Variants in FMNL3 observed in about 807,000 individuals in gnomAD.
FMNL3 encodes formin like 3.
FMNL3 carries 57 observed loss-of-function variants against 119.6 expected under a neutral mutation model. The observed-to-expected ratio is 0.48, with a 90% CI of 0.39 to 0.59. The LOEUF is 0.59. FMNL3 is among the 20% of genes least tolerant of loss of function. The pLI is 0.00. For synonymous variants in FMNL3, 491 were observed against 507.3 expected, an observed-to-expected ratio of 0.97 and a Z score of 0.43; for missense variants, 1,053 against 1,323.5, an observed-to-expected ratio of 0.80 and a Z score of 3.17.
intron 4 of FMNL3, among the ~76,000 whole-genome samples, chr12:49,665,499 T>G (rs1943864883): frequency 6.6e-6 from 1 of 152,220 alleles, no homozygotes; most frequent in Non-Finnish European, 1.5e-5. Context: ...CAGCCTTCTC[T>G]GAGCCTCGCT....
At chr12:49,694,973 C>T (rs1324109824) in intron 1 of FMNL3, among the ~76,000 whole-genome samples, 2 of 151,458 alleles carry the variant, frequency 1.3e-5, no homozygotes, top group Non-Finnish European at 2.9e-5. Flanking sequence ...AGTTAAAAAA[C>T]TTTTTCTATT....
At position 49,649,608 on chromosome 12, in the gene FMNL3, G is replaced by A; in HGVS notation, c.2236-70C>T. ...GGTAAAGACAGGGAGGGGTCAGAAG[G>A]ACTGGAAGGGCAGGGGAGGTGACTA... On this transcript the variant is annotated intron_variant, in intron 18 of 25. Coordinates refer to ENST00000335154, the MANE Select transcript of FMNL3 (RefSeq NM_175736.5). The surrounding 1 kb of genome is among the most constrained non-coding windows in gnomAD (Gnocchi z 5.6). The A allele has an allele frequency of 2.5e-6, 4 of 1,611,408 alleles. No homozygotes were observed. The South Asian group carries it at 3.3e-5, about 13-fold the overall frequency.
In FMNL3 at chr12:49,656,635, C is replaced by T. The variant is rs563947675; in HGVS notation, c.792-138G>A. ...AGGAGAGAGGGTGGGAGAAAGAGGG[C>T]TTGCTCCCTTACTAAGCTGTGTAGA... On this transcript the variant is annotated intron_variant, in intron 8 of 25. Transcript: ENST00000335154. 33 of 909,904 alleles carry T rather than the reference C, an allele frequency of 3.6e-5. No individual in the cohort carries two copies. The African/African-American group carries it at 5.5e-4, about 15-fold the overall frequency. The allele number at this position is 909,904 out of a possible 1,614,324, so 56.4% of individuals were successfully genotyped here.
chr12:49,648,963 C>A, intron 21 of FMNL3, 66 bp downstream of exon 21: 1 of 1,524,244 alleles, frequency 6.6e-7, no homozygotes, highest in Non-Finnish European at 8.8e-7. Context: ...TCTCTCTCCT[C>A]ATAGCTTCCT....
Position 49,637,869 on chromosome 12 carries a change from GCA to G in FMNL3, c.*7944_*7945del. The G allele has an allele frequency of 6.7e-7, 1 of 1,486,320 alleles. No individual in the cohort carries two copies. Among genetic ancestry groups the G allele is most frequent in the East Asian group, 2.3e-5 (1 of 44,206 alleles). The allele number at this position is 1,486,320 out of a possible 1,614,324, so 92.1% of individuals were successfully genotyped here. On this transcript the variant is annotated 3_prime_UTR_variant, in exon 26 of 26. Transcript: ENST00000335154. ...TGGATGGATACAGGATGGATGCAGG[GCA>G]CACTCCCTGCAGAGGACTCCCTGAT...
At chr12:49,677,310 C>T (rs1479522433) in intron 1 of FMNL3, among the ~76,000 whole-genome samples, 1 of 152,174 alleles carries the variant, frequency 6.6e-6, no homozygotes, top group African/African-American at 2.4e-5. Context: ...CTCAGTGACC[C>T]TCCTAGAGGC....
chr12:49,648,014 T>G (rs547829782), intron 22 of FMNL3, among the ~76,000 whole-genome samples, 179 bp downstream of exon 22: 15 of 149,910 alleles, frequency 1.0e-4, no homozygotes, highest in Admixed American at 9.9e-4. Context: ...CCCAAAGCGC[T>G]CTCTCTCCCC....
chr12:49,701,913 A>G (rs557073080), intron 1 of FMNL3, among the ~76,000 whole-genome samples: 275 of 152,262 alleles, frequency 1.8e-3, no homozygotes, highest in Non-Finnish European at 3.4e-3. Flanking sequence ...ACAGAGTAAG[A>G]CTGTCTCAAA....
chr12:49,645,236 G>A lies in FMNL3; in HGVS notation c.*579C>T, dbSNP rs1435673563. Reference sequence around the variant, plus strand: ...TCTGCTCTTCTGCCCACCTTGACAAGGACAGTGTGAGCCTAGAATGAAATG... The same window carrying A: ...TCTGCTCTTCTGCCCACCTTGACAAAGACAGTGTGAGCCTAGAATGAAATG... On this transcript the variant is annotated 3_prime_UTR_variant, in exon 26 of 26. Transcript: ENST00000335154. The A allele has an allele frequency of 6.6e-6, 1 of 152,112 alleles. No individual in the cohort carries two copies. The highest frequency in any genetic ancestry group is 1.9e-4 in the East Asian group (1 of 5,198). 9.4% of individuals were successfully genotyped at this position (152,112 alleles called of 1,614,324 possible). A position where few individuals can be genotyped will look rare whatever the true frequency, so the allele number is the denominator to read the frequency against.
chr12:49,659,916 T>A (rs992673494), intron 5 of FMNL3: 1 of 985,354 alleles, frequency 1.0e-6, no homozygotes, highest in Non-Finnish European at 1.2e-6. Flanking sequence ...CCAAGAAGCA[T>A]TCTGCTCAGA....
chr12:49,649,861 C>T lies in FMNL3; in HGVS notation c.2065G>A (p.Ala689Thr). The part of the protein sequence containing the change: ...ECLMRFLPTE[A>T]EVKLLRQYER... ...TATTGCCGCAGCAGCTTTACCTCAG[C>T]CTCTGTGGGCAGGAAGCGCATCAGG... The change falls in exon 18 of 26, where the codon GCT (alanine) becomes ACT (threonine). Residue 689 changes from alanine to threonine, a missense_variant. Physicochemically the swap from Ala to Thr is moderately conservative, Grantham distance 58. Around this residue, in one of 4 missense-constraint regions of FMNL3, gnomAD observed 445 missense variants for 628.4 expected, o/e 0.71. Transcript: ENST00000335154. This position sits in a 1 kb window ranked among gnomAD's most constrained non-coding sequence, Gnocchi z 5.6. 6.2e-7 allele frequency: 1 copy of T among 1,614,180 alleles called. No homozygotes were observed. The highest frequency in any genetic ancestry group is 2.2e-5 in the East Asian group (1 of 44,886).
Position 49,642,800 on chromosome 12 carries a change from C to G in FMNL3, c.*3015G>C. On this transcript the variant is annotated 3_prime_UTR_variant, in exon 26 of 26. Transcript: ENST00000335154. This position sits in a 1 kb window ranked among gnomAD's most constrained non-coding sequence, Gnocchi z 5.8. The stretch of plus-strand genomic sequence containing the variant: ...CCTGGCCAGCTAAGGAAGGGGAGGC[C>G]TGAGGATCCCTGGGATAGGCAGAAG... 3 of 1,422,626 alleles carry G rather than the reference C, an allele frequency of 2.1e-6. No homozygotes were observed. The South Asian group carries it at 3.7e-5, about 18-fold the overall frequency. The allele number at this position is 1,422,626 out of a possible 1,614,324, so 88.1% of individuals were successfully genotyped here.
chr12:49,657,227 G>A (rs1177516733), intron 6 of FMNL3, 37 bp from the exon 7 acceptor site: 1 of 1,507,320 alleles, frequency 6.6e-7, no homozygotes, highest in African/African-American at 1.4e-5. Flanking sequence ...TGGGAGCTGA[G>A]GCTGCCAGTG....
chr12:49,661,974 A>G lies in FMNL3; in HGVS notation c.444T>C (p.Cys148=). 6.2e-7 allele frequency: 1 copy of G among 1,614,188 alleles called. No individual in the cohort carries two copies. The highest frequency in any genetic ancestry group is 8.5e-7 in the Non-Finnish European group (1 of 1,180,028). The part of the protein sequence containing the change: ...VLVDYLSFAQ[C]SVMFDFEGLE... Reference sequence around the variant, plus strand: ...CCCGGGGTGGTACTCACATGACAGAACACTGGGCAAAGGACAGGTAATCCA... The same window carrying G: ...CCCGGGGTGGTACTCACATGACAGAGCACTGGGCAAAGGACAGGTAATCCA... The change falls in exon 5 of 26, where the codon TGT becomes TGC. Residue 148 remains cysteine (C), a synonymous_variant. Transcript: ENST00000335154.
At chr12:49,654,370 T>C in intron 10 of FMNL3, 68 bp from the exon 11 acceptor site, 2 of 1,314,620 alleles carry the variant, frequency 1.5e-6, no homozygotes, top group Non-Finnish European at 2.2e-6. Flanking sequence ...ACCAGGAGGA[T>C]AGGCGGCTGT....
chr12:49,666,280 G>T, intron 2 of FMNL3, 73 bp from the exon 3 acceptor site: 1 of 1,347,298 alleles, frequency 7.4e-7, no homozygotes, highest in Non-Finnish European at 1.0e-6. Context: ...AGGAAGAAGA[G>T]CATTCATAGT....
chr12:49,648,773 G>A (rs1943296810), intron 21 of FMNL3, among the ~76,000 whole-genome samples: 1 of 152,252 alleles, frequency 6.6e-6, no homozygotes. Context: ...AGTAAAGAGC[G>A]ACTGCTCCCC....
In FMNL3 at chr12:49,654,991, G is replaced by A. The variant is rs1390206622; in HGVS notation, c.886-7C>T. ...GGTGCAGCTCCTTGCATACCTGAAT[G>A]AGCAAACTTTCTCAGTGAAAGGATC... On this transcript the variant is annotated splice_polypyrimidine_tract_variant and splice_region_variant and intron_variant, in intron 9 of 25. Coordinates refer to ENST00000335154, the MANE Select transcript of FMNL3 (RefSeq NM_175736.5). The A allele has an allele frequency of 4.3e-6, 7 of 1,613,610 alleles. No homozygotes were observed. Among genetic ancestry groups the A allele is most frequent in the Non-Finnish European group, 5.9e-6 (7 of 1,179,860 alleles).
chr12:49,645,090 T>C lies in FMNL3; in HGVS notation c.*725A>G, dbSNP rs1943115535. On this transcript the variant is annotated 3_prime_UTR_variant, in exon 26 of 26. Transcript: ENST00000335154. Reference sequence around the variant, plus strand: ...AAGCAAATAGCCAAGACCACCATGCTCCTTGTCCCCTGCCAAAAAAAAAAA... The same window carrying C: ...AAGCAAATAGCCAAGACCACCATGCCCCTTGTCCCCTGCCAAAAAAAAAAA... 1 of 107,734 alleles carries C rather than the reference T, an allele frequency of 9.3e-6. No individual in the cohort carries two copies. Among genetic ancestry groups the C allele is most frequent in the Non-Finnish European group, 1.7e-5 (1 of 57,188 alleles). 6.7% of individuals were successfully genotyped at this position (107,734 alleles called of 1,614,324 possible). A position where few individuals can be genotyped will look rare whatever the true frequency, so the allele number is the denominator to read the frequency against.
Sources: gnomAD v4.1 joint callset for allele counts (sites outside exome capture counted in the v4.1 genomes callset) on GRCh38, gnomAD v4.1.1 for gene constraint, gnomAD v4.1.1 regional missense constraint, Gnocchi (gnomAD v3.1) non-coding constraint, MANE v1.5 for transcripts, NCBI Gene and HGNC (gene_info 2026-07-23, HGNC 2026-07-21) for gene names.